TARS3: variants seen among roughly 807,000 people sequenced by gnomAD.
TARS3 encodes threonyl-tRNA synthetase 3, also known as threonine--tRNA ligase 2, cytoplasmic.
In TARS3, 94 loss-of-function variants were observed where a neutral mutation model predicts 103.5. That is an observed-to-expected ratio of 0.91 (90% confidence interval 0.77 to 1.08). The LOEUF is 1.08. Ranked by LOEUF, TARS3 falls within the 50% of genes least tolerant of loss-of-function variation. TARS3 has a pLI of 0.00. For missense variants in TARS3, 952 were observed against 995.2 expected, an observed-to-expected ratio of 0.96 and a Z score of 0.58; for synonymous variants, 416 against 355.4, an observed-to-expected ratio of 1.17 and a Z score of -1.92.
At chr15:101,699,553 A>T in intron 10 of TARS3, 1 of 421,814 alleles carries the variant, frequency 2.4e-6, no homozygotes, top group Admixed American at 2.7e-5. Flanking sequence ...TTTTCCAGAG[A>T]AGACAGCACA....
intron 1 of TARS3, among the ~76,000 whole-genome samples, chr15:101,723,748 A>G (rs962259377): frequency 6.6e-6 from 1 of 152,268 alleles, no homozygotes; most frequent in South Asian, 2.1e-4. Context: ...CGCAGCTGTT[A>G]GTCTTTCTGA....
In TARS3 at chr15:101,703,863, A is replaced by C; in HGVS notation, c.1070T>G (p.Phe357Cys). The C allele has an allele frequency of 6.2e-7, 1 of 1,611,066 alleles. No individual in the cohort carries two copies. The highest frequency in any genetic ancestry group is 1.1e-5 in the South Asian group (1 of 90,672). The part of the protein sequence containing the change: ...HTGKIKTIKI[F>C]KNSSTYWEGN... ...TAAAAAAAAATCAATCCTTACCTTA[A>C]AAATTTTGATGGTTTTAATTTTTCC... Residue 357 changes from phenylalanine (F) to cysteine (C), a missense_variant, in exon 8 of 19, where the codon TTT (phenylalanine) becomes TGT (cysteine). By Grantham distance (205) the Phe-to-Cys change is radical. Coordinates refer to ENST00000335968, the MANE Select transcript of TARS3 (RefSeq NM_152334.3).
Position 101,671,710 on chromosome 15 carries a change from C to T in TARS3, c.1827G>A (p.Trp609Ter). ...ATGCTCCATCTCCTGGGTTCATTTT[C>T]CACGGTTCTCCAAAGTCCATCAAGC... Reference protein sequence around the residue: ...QNSLMDFGEPWKMNPGDGAFY... With the variant: ...QNSLMDFGEP Residue 609 changes from tryptophan to a stop codon, truncating the protein, a stop_gained, in exon 14 of 19, where the codon TGG becomes TGA. Coordinates refer to ENST00000335968, the MANE Select transcript of TARS3 (RefSeq NM_152334.3). LOFTEE classifies it high-confidence loss of function. The T allele has an allele frequency of 3.7e-6, 6 of 1,614,010 alleles. No individual in the cohort carries two copies. Among genetic ancestry groups the T allele is most frequent in the Non-Finnish European group, 5.1e-6 (6 of 1,179,978 alleles).
intron 10 of TARS3, among the ~76,000 whole-genome samples, chr15:101,686,745 A>G (rs1309142511): frequency 6.6e-6 from 1 of 152,152 alleles, no homozygotes; most frequent in Non-Finnish European, 1.5e-5. Flanking sequence ...AATTAGGTCA[A>G]ATTGTTTTGA....
chr15:101,668,664 T>C (rs1897675696), intron 15 of TARS3, among the ~76,000 whole-genome samples: 1 of 152,084 alleles, frequency 6.6e-6, no homozygotes, highest in Non-Finnish European at 1.5e-5. Context: ...TGCTATACAG[T>C]GTGAAGCATG....
At chr15:101,693,687 G>T (rs890705406) in intron 10 of TARS3, among the ~76,000 whole-genome samples, 1 of 152,180 alleles carries the variant, frequency 6.6e-6, no homozygotes, top group Non-Finnish European at 1.5e-5. Context: ...TGAAGCAGTG[G>T]TATGTTCATA....
At chr15:101,658,396 G>GA (rs139414116) in intron 16 of TARS3, among the ~76,000 whole-genome samples, 167 of 138,360 alleles carry the variant, frequency 1.2e-3, no homozygotes, top group African/African-American at 3.2e-3. Flanking sequence ...TCCACTGAGT[G>GA]AAAAAAAAAA....
intron 10 of TARS3, among the ~76,000 whole-genome samples, chr15:101,696,198 G>T (rs1477860137): frequency 8.0e-6 from 1 of 124,686 alleles, no homozygotes; most frequent in Admixed American, 8.8e-5. Context: ...GCAACAGAGC[G>T]AGACTTTGTC....
At chr15:101,696,352 T>G (rs892493610) in intron 10 of TARS3, among the ~76,000 whole-genome samples, 2 of 151,992 alleles carry the variant, frequency 1.3e-5, no homozygotes, top group African/African-American at 4.8e-5. Flanking sequence ...TTCTTGCCAA[T>G]GCCTGATGTT....
intron 2 of TARS3, 98 bp from the exon 3 acceptor site, chr15:101,721,420 G>A (rs568959055): frequency 2.4e-6 from 2 of 822,568 alleles, no homozygotes; most frequent in Non-Finnish European, 3.8e-6. Flanking sequence ...TGCCTTCTCA[G>A]TTCTACAGAT....
At chr15:101,681,650 C>G (rs528632431) in intron 12 of TARS3, among the ~76,000 whole-genome samples, 1 of 152,206 alleles carries the variant, frequency 6.6e-6, no homozygotes, top group Non-Finnish European at 1.5e-5. Context: ...AGTTTGCCAA[C>G]GGCTGACTTC....
intron 10 of TARS3, among the ~76,000 whole-genome samples, chr15:101,688,840 A>G (rs1215435360): frequency 6.6e-6 from 1 of 152,144 alleles, no homozygotes; most frequent in Admixed American, 6.5e-5. Flanking sequence ...CTGGGTATAG[A>G]TTTCTAGGCT....
At chr15:101,675,939 C>A (rs942762259) in intron 12 of TARS3, among the ~76,000 whole-genome samples, 1 of 151,886 alleles carries the variant, frequency 6.6e-6, no homozygotes, top group African/African-American at 2.4e-5. Flanking sequence ...AAGGAGTAGG[C>A]GAGGGAACCG....
chr15:101,689,188 G>C (rs902330642), intron 10 of TARS3, among the ~76,000 whole-genome samples: 32 of 152,252 alleles, frequency 2.1e-4, no homozygotes, highest in African/African-American at 7.7e-4. Flanking sequence ...CAATTACTGG[G>C]AGAAGTCGTA....
intron 15 of TARS3, among the ~76,000 whole-genome samples, chr15:101,671,224 A>C (rs1252828906): frequency 6.6e-6 from 1 of 152,192 alleles, no homozygotes; most frequent in African/African-American, 2.4e-5. Context: ...CCTGTAACTC[A>C]GGGAGAGTCA....
chr15:101,655,497 AG>A (rs1897166505), intron 18 of TARS3, among the ~76,000 whole-genome samples: 1 of 144,108 alleles, frequency 6.9e-6, no homozygotes, highest in Non-Finnish European at 1.5e-5. Flanking sequence ...GAGCTCTTAC[AG>A]GCTCACACTG....
chr15:101,718,084 T>C (rs72761667), intron 3 of TARS3, among the ~76,000 whole-genome samples: 6,504 of 151,468 alleles, frequency 0.043, 217 homozygotes, highest in African/African-American at 0.09. Context: ...AAGGGGAGAG[T>C]AGGGCTGGGC....
intron 15 of TARS3, among the ~76,000 whole-genome samples, chr15:101,665,902 T>G (rs139402497): frequency 2.6e-5 from 4 of 152,198 alleles, no homozygotes; most frequent in Non-Finnish European, 5.9e-5. Flanking sequence ...GTTTTTACTT[T>G]GGGAAGCGTT....
At chr15:101,721,900 AAATTAC>A (rs1388208878) in intron 2 of TARS3, among the ~76,000 whole-genome samples, 2 of 152,238 alleles carry the variant, frequency 1.3e-5, no homozygotes, top group Non-Finnish European at 2.9e-5. Context: ...AGTATTCAAT[AAATTAC>A]ATGAGATATT....
Sources: gnomAD v4.1 joint callset for allele counts (sites outside exome capture counted in the v4.1 genomes callset) on GRCh38, gnomAD v4.1.1 for gene constraint, MANE v1.5 for transcripts, NCBI Gene and HGNC (gene_info 2026-07-23, HGNC 2026-07-21) for gene names.